Variants in WDFY4 observed in about 807,000 individuals in gnomAD.
The protein encoded by WDFY4 is WDFY family member 4.
Under a neutral mutation model 351.9 loss-of-function variants are expected in WDFY4, and 169 were observed. The ratio of observed to expected loss-of-function variants is 0.48; its 90% CI spans 0.42 to 0.55. The LOEUF is 0.55. Ranked by LOEUF, WDFY4 falls within the 20% of genes least tolerant of loss-of-function variation. The pLI, the probability that WDFY4 is intolerant of heterozygous loss-of-function variation, is 0.00. For synonymous variants in WDFY4, 1,622 were observed against 1,574.6 expected, an observed-to-expected ratio of 1.03 and a Z score of -0.71; for missense variants, 3,803 against 3,935.6, an observed-to-expected ratio of 0.97 and a Z score of 0.90.
At chr10:48,856,827 T>C (rs369854162) in intron 39 of WDFY4, among the ~76,000 whole-genome samples, 1 of 152,200 alleles carries the variant, frequency 6.6e-6, no homozygotes, top group African/African-American at 2.4e-5. Flanking sequence ...CATTTTATTA[T>C]GCAATATAGA....
intron 1 of WDFY4, among the ~76,000 whole-genome samples, chr10:48,696,345 T>C (rs2063329359): frequency 1.3e-5 from 2 of 152,146 alleles, no homozygotes; most frequent in African/African-American, 4.8e-5. Context: ...CACTCCTTGC[T>C]CTCCCACCTG....
intron 1 of WDFY4, among the ~76,000 whole-genome samples, chr10:48,705,169 G>T (rs2063593644): frequency 6.6e-6 from 1 of 152,208 alleles, no homozygotes; most frequent in African/African-American, 2.4e-5. Flanking sequence ...TATGAAAAAT[G>T]CCCTGAGCTC....
At chr10:48,965,210 C>A (rs1328423024) in intron 54 of WDFY4, among the ~76,000 whole-genome samples, 1 of 152,226 alleles carries the variant, frequency 6.6e-6, no homozygotes. Context: ...TTGTCCACAG[C>A]ACAGATCTTT....
At chr10:48,724,708 A>G (rs140386467) in intron 5 of WDFY4, among the ~76,000 whole-genome samples, 31 of 152,232 alleles carry the variant, frequency 2.0e-4, no homozygotes, top group African/African-American at 6.7e-4. Flanking sequence ...GCGCAGCTCT[A>G]TGGCAGACAG....
intron 49 of WDFY4, among the ~76,000 whole-genome samples, chr10:48,945,096 C>A: frequency 6.6e-6 from 1 of 152,198 alleles, no homozygotes; most frequent in Non-Finnish European, 1.5e-5. Context: ...GGGTTATGAG[C>A]CAGGCGCAGT....
intron 46 of WDFY4, among the ~76,000 whole-genome samples, chr10:48,901,031 G>T (rs11101555): frequency 1.3e-5 from 2 of 152,138 alleles, no homozygotes; most frequent in Admixed American, 6.5e-5. Context: ...CCCTGGCCAA[G>T]GAGCCCATTT....
At chr10:48,925,572 A>G (rs1403305384) in intron 47 of WDFY4, among the ~76,000 whole-genome samples, 1 of 152,188 alleles carries the variant, frequency 6.6e-6, no homozygotes, top group Non-Finnish European at 1.5e-5. Flanking sequence ...CATTTTCTCC[A>G]CTAACTGCCC....
Position 48,827,049 on chromosome 10 carries a change from A to G in WDFY4, c.6221+140A>G, listed in dbSNP as rs1291293402. ...TATCTGGTCTTCCATATTTTGTGAA[A>G]TGTTTGATAACATGGTAAGTAATCC... On this transcript the variant is annotated intron_variant, in intron 36 of 61. Coordinates refer to ENST00000325239, the MANE Select transcript of WDFY4 (RefSeq NM_001394531.1). 4 of 748,192 alleles carry G rather than the reference A, an allele frequency of 5.3e-6. No individual in the cohort carries two copies. In the East Asian group the frequency reaches 1.1e-4, roughly 20 times the overall value. The allele number at this position is 748,192 out of a possible 1,614,324, so 46.3% of individuals were successfully genotyped here.
chr10:48,818,175 G>GACCC (rs779832736), intron 32 of WDFY4, among the ~76,000 whole-genome samples: 3 of 152,226 alleles, frequency 2.0e-5, no homozygotes, highest in Non-Finnish European at 4.4e-5. Flanking sequence ...AGGAAGTGGA[G>GACCC]ACCCAGTGAG....
intron 20 of WDFY4, 112 bp downstream of exon 20, chr10:48,786,982 AG>A (rs2066425113): frequency 1.2e-6 from 1 of 839,656 alleles, no homozygotes; most frequent in Non-Finnish European, 1.9e-6. Flanking sequence ...GTCAGTCATT[AG>A]GGAAGACCTC....
In WDFY4 at chr10:48,709,942, G is replaced by C. The variant is rs1422716235; in HGVS notation, c.210G>C (p.Leu70Phe). ...KSPIERQKSL[L>F]SLLPLFLKAW... ...CCATTGAGCGTCAGAAGAGCCTGTTGAGTCTTCTCCCCCTATTCCTAAAGG... is the reference window on the plus strand; with the variant it reads ...CCATTGAGCGTCAGAAGAGCCTGTTCAGTCTTCTCCCCCTATTCCTAAAGG... The change falls in exon 2 of 62, where the codon TTG becomes TTC. Residue 70 changes from leucine (L) to phenylalanine (F), a missense_variant. This residue lies in a region of WDFY4 where 488 missense variants were observed against 456.8 expected (regional missense o/e 1.07). Coordinates refer to ENST00000325239, the MANE Select transcript of WDFY4 (RefSeq NM_001394531.1). The C allele has an allele frequency of 3.9e-6, 6 of 1,551,960 alleles. No homozygotes were observed. The South Asian group carries it at 7.1e-5, about 18-fold the overall frequency.
intron 41 of WDFY4, among the ~76,000 whole-genome samples, chr10:48,873,967 C>T (rs1471098817): frequency 6.6e-6 from 1 of 152,206 alleles, no homozygotes; most frequent in Non-Finnish European, 1.5e-5. Context: ...CTTACCTATG[C>T]TGCAGGCACA....
chr10:48,703,696 A>G (rs898188898), intron 1 of WDFY4, among the ~76,000 whole-genome samples: 1 of 152,154 alleles, frequency 6.6e-6, no homozygotes, highest in African/African-American at 2.4e-5. Flanking sequence ...CAACTCTGCA[A>G]ATCACTCAAT....
intron 1 of WDFY4, among the ~76,000 whole-genome samples, chr10:48,686,397 C>A (rs567506947): frequency 7.3e-5 from 11 of 151,140 alleles, no homozygotes; most frequent in Admixed American, 3.9e-4. Flanking sequence ...ACAGCATAAA[C>A]CCTGTGTGCT....
chr10:48,689,988 G>A (rs550608917), intron 1 of WDFY4, among the ~76,000 whole-genome samples: 4 of 152,218 alleles, frequency 2.6e-5, no homozygotes, highest in Admixed American at 6.5e-5. Context: ...TTTAAAGCCT[G>A]TGCACTTGCA....
chr10:48,820,323 C>A lies in WDFY4; in HGVS notation c.5595C>A (p.Thr1865=). The A allele has an allele frequency of 6.4e-7, 1 of 1,551,616 alleles. No individual in the cohort carries two copies. The highest frequency in any genetic ancestry group is 8.7e-7 in the Non-Finnish European group (1 of 1,146,980). Residue 1865 remains threonine, a synonymous_variant, in exon 33 of 62, where the codon ACC becomes ACA. Coordinates refer to ENST00000325239, the MANE Select transcript of WDFY4 (RefSeq NM_001394531.1). ...DSTVEGLQAP[T]KAHPARRKLR... ...CAGTGGAGGGTCTCCAGGCTCCCAC[C>A]AAGGCACATCCCGCCCGGAGGAAGC...
intron 51 of WDFY4, among the ~76,000 whole-genome samples, chr10:48,956,615 ACT>A (rs1333186947): frequency 1.3e-5 from 2 of 151,530 alleles, no homozygotes; most frequent in African/African-American, 4.9e-5. Context: ...AAGCTTCCAG[ACT>A]CACTTCCGGG....
intron 38 of WDFY4, among the ~76,000 whole-genome samples, chr10:48,832,236 C>T (rs993820931): frequency 6.6e-6 from 1 of 152,206 alleles, no homozygotes; most frequent in Non-Finnish European, 1.5e-5. Flanking sequence ...ATATTCATGA[C>T]CCCTCAACTG....
intron 44 of WDFY4, among the ~76,000 whole-genome samples, chr10:48,895,026 C>T (rs1245708591): frequency 6.6e-6 from 1 of 152,230 alleles, no homozygotes; most frequent in African/African-American, 2.4e-5. Flanking sequence ...CATCCTACCA[C>T]AATGCGGCTT....
Sources: gnomAD v4.1 joint callset for allele counts (sites outside exome capture counted in the v4.1 genomes callset) on GRCh38, gnomAD v4.1.1 for gene constraint, gnomAD v4.1.1 regional missense constraint, MANE v1.5 for transcripts, NCBI Gene and HGNC (gene_info 2026-07-23, HGNC 2026-07-21) for gene names.